Variants in RGS12 observed in about 807,000 individuals in gnomAD.
RGS12 encodes regulator of G-protein signaling 12.
RGS12 carries 66 observed loss-of-function variants against 120.1 expected under a neutral mutation model. That is an observed-to-expected ratio of 0.55 (90% CI 0.45 to 0.67). RGS12 has a LOEUF of 0.67. Ranked by LOEUF, RGS12 falls within the 30% of genes least tolerant of loss-of-function variation. The probability of loss-of-function intolerance (pLI) is 0.00; values close to 1 mark genes in which losing one functional copy is unlikely to be tolerated. For synonymous variants in RGS12, 827 were observed against 804.7 expected, an observed-to-expected ratio of 1.03 and a Z score of -0.47; for missense variants, 1,859 against 1,957.7, an observed-to-expected ratio of 0.95 and a Z score of 0.95.
chr4:3,309,043 TCTGAG>T (rs1724138252), intron 1 of RGS12, among the ~76,000 whole-genome samples: 1 of 122,960 alleles, frequency 8.1e-6, no homozygotes, highest in African/African-American at 3.0e-5. Flanking sequence ...GCAGGTGTCC[TCTGAG>T]GAGAGCTGAG....
At chr4:3,367,157 G>A (rs921773027) in intron 3 of RGS12, among the ~76,000 whole-genome samples, 1 of 152,256 alleles carries the variant, frequency 6.6e-6, no homozygotes, top group Non-Finnish European at 1.5e-5. Flanking sequence ...CTGTTGTCCA[G>A]CTGGGCGGTG....
At chr4:3,328,246 G>A (rs991951308) in intron 2 of RGS12, among the ~76,000 whole-genome samples, 3 of 152,216 alleles carry the variant, frequency 2.0e-5, no homozygotes, top group Non-Finnish European at 4.4e-5. Flanking sequence ...GAAAGGTGAG[G>A]GGTGGGAGGA....
the RGS12 span, among the ~76,000 whole-genome samples, chr4:3,287,182 A>G: frequency 6.6e-6 from 1 of 152,212 alleles, no homozygotes; most frequent in Non-Finnish European, 1.5e-5. Context: ...GAGCCCCGGG[A>G]GGGCGGCGTT....
At chr4:3,297,061 T>G (rs1212245256) in intron 1 of RGS12, among the ~76,000 whole-genome samples, 1 of 152,250 alleles carries the variant, frequency 6.6e-6, no homozygotes, top group Non-Finnish European at 1.5e-5. Flanking sequence ...GAAGTTCCCT[T>G]CTTCTGTGTC....
rs1200364105 is a variant in RGS12 at position 3,299,408 on chromosome 4, T to C, written c.-102+6309T>C. 2.0e-5 allele frequency among the ~76,000 whole-genome samples: 3 copies of C among 152,142 alleles called. No homozygotes were observed. The East Asian group carries it at 5.8e-4, about 29-fold the overall frequency. The stretch of plus-strand genomic sequence containing the variant: ...CTCTAGCCATTTTTAGAAACACTTG[T>C]TTTAGTTGGTGCAGCTCTCTCCTTT... On this transcript the variant is annotated intron_variant, in intron 1 of 17. Coordinates refer to ENST00000336727, the MANE Select transcript of RGS12 (RefSeq NM_001394154.1).
chr4:3,305,628 G>A (rs985902121), intron 1 of RGS12, among the ~76,000 whole-genome samples: 1 of 152,110 alleles, frequency 6.6e-6, no homozygotes, highest in Non-Finnish European at 1.5e-5. Flanking sequence ...GGAAAATGGA[G>A]GCAGGAAGGA....
intron 3 of RGS12, among the ~76,000 whole-genome samples, chr4:3,349,172 G>A (rs1457097218): frequency 1.3e-5 from 2 of 152,054 alleles, no homozygotes; most frequent in African/African-American, 2.4e-5. Context: ...GTCTTTAGAA[G>A]GACTTACACA....
intron 3 of RGS12, 68 bp downstream of exon 3, chr4:3,343,121 T>TA: frequency 1.7e-6 from 2 of 1,161,080 alleles, no homozygotes; most frequent in Non-Finnish European, 2.6e-6. Flanking sequence ...ACCTTGCAGA[T>TA]ACGTCTGGCT....
chr4:3,370,414 C>A, intron 3 of RGS12: 1 of 1,159,722 alleles, frequency 8.6e-7, no homozygotes, highest in Non-Finnish European at 1.3e-6. Flanking sequence ...AGCTGTGGGA[C>A]CTGCAAATGC....
intron 1 of RGS12, among the ~76,000 whole-genome samples, chr4:3,311,195 C>T (rs1243602531): frequency 2.6e-5 from 4 of 152,172 alleles, no homozygotes; most frequent in South Asian, 2.1e-4. Flanking sequence ...GCGTCTCTCT[C>T]GCCTCACACT....
intron 4 of RGS12, chr4:3,413,825 T>A: frequency 2.0e-6 from 1 of 489,482 alleles, no homozygotes; most frequent in Non-Finnish European, 3.7e-6. Flanking sequence ...TGTGAACATG[T>A]GTGTGTGCTC....
rs1053561637 is a variant in RGS12 at position 3,320,797 on chromosome 4, G to A, written c.1881+2746G>A. ...CATGAGGCGGCCACAAGATGGGTCC[G>A]GACGTCGCCGTGGACAGGTCTGCAG... On this transcript the variant is annotated intron_variant, in intron 2 of 17. Coordinates refer to ENST00000336727, the MANE Select transcript of RGS12 (RefSeq NM_001394154.1). 2.0e-5 allele frequency among the ~76,000 whole-genome samples: 3 copies of A among 152,172 alleles called. No homozygotes were observed. The South Asian group carries it at 6.2e-4, about 32-fold the overall frequency.
At chr4:3,437,088 C>T (rs1724882332) in intron 17 of RGS12, among the ~76,000 whole-genome samples, 2 of 152,136 alleles carry the variant, frequency 1.3e-5, no homozygotes, top group Admixed American at 1.3e-4. Context: ...GAAGGTGCTC[C>T]CCGGGCAGGC....
At chr4:3,339,741 G>T (rs748934440) in intron 2 of RGS12, among the ~76,000 whole-genome samples, 5 of 152,196 alleles carry the variant, frequency 3.3e-5, no homozygotes, top group Non-Finnish European at 1.5e-5. Context: ...GTGGGCGGGC[G>T]GTTGCTGGGC....
intron 2 of RGS12, among the ~76,000 whole-genome samples, chr4:3,325,779 T>C (rs1725518412): frequency 6.6e-6 from 1 of 151,922 alleles, no homozygotes; most frequent in East Asian, 1.9e-4. Flanking sequence ...AGATTACAAA[T>C]CCTCAACAAA....
rs748236080 is a variant in RGS12 at position 3,317,266 on chromosome 4, G to A, written c.1096G>A (p.Asp366Asn). Residue 366 changes from aspartate to asparagine, a missense_variant, in exon 2 of 18, where the codon GAC becomes AAC. Asp to Asn is a conservative substitution (Grantham distance 23). Transcript: ENST00000336727. Reference protein sequence around the residue: ...ARRFGFECTADPDTNGCLEFP... With the variant: ...ARRFGFECTANPDTNGCLEFP... The stretch of plus-strand genomic sequence containing the variant: ...GCGGTTTGGGTTTGAGTGCACGGCC[G>A]ACCCAGACACCAATGGCTGTCTGGA... 9.3e-6 allele frequency: 15 copies of A among 1,614,104 alleles called. No homozygotes were observed. The highest frequency in any genetic ancestry group is 2.2e-5 in the South Asian group (2 of 91,080).
At chr4:3,377,723 G>A (rs921985212) in intron 3 of RGS12, among the ~76,000 whole-genome samples, 4 of 152,160 alleles carry the variant, frequency 2.6e-5, no homozygotes, top group Non-Finnish European at 5.9e-5. Context: ...CCGTGAATGT[G>A]GGTGGCCCAG....
intron 10 of RGS12, among the ~76,000 whole-genome samples, chr4:3,421,506 G>A (rs1014380952): frequency 2.6e-5 from 4 of 152,242 alleles, no homozygotes; most frequent in Non-Finnish European, 5.9e-5. Flanking sequence ...CGCCTGGGTG[G>A]TTCTGCCCAT....
chr4:3,437,253 C>T (rs1023844935), intron 17 of RGS12, among the ~76,000 whole-genome samples: 3 of 152,122 alleles, frequency 2.0e-5, no homozygotes, highest in Non-Finnish European at 2.9e-5. Context: ...ATGTGGACAT[C>T]CTTGGTCCAT....
Sources: gnomAD v4.1 joint callset for allele counts (sites outside exome capture counted in the v4.1 genomes callset) on GRCh38, gnomAD v4.1.1 for gene constraint, MANE v1.5 for transcripts, NCBI Gene and HGNC (gene_info 2026-07-23, HGNC 2026-07-21) for gene names.